The following EPB41L1 variants were observed in gnomAD, a reference collection of about 807,000 sequenced individuals.
EPB41L1 encodes the protein erythrocyte membrane protein band 4.1 like 1, also known as band 4.1-like protein 1.
Under a neutral mutation model 97.8 loss-of-function variants are expected in EPB41L1, and 29 were observed. The observed-to-expected ratio is 0.30, with a 90% CI of 0.22 to 0.40. The LOEUF (loss-of-function observed/expected upper bound fraction) is 0.40. Ranked by LOEUF, EPB41L1 falls within the 10% of genes least tolerant of loss-of-function variation. The pLI, the probability that EPB41L1 is intolerant of heterozygous loss-of-function variation, is 1.00. For synonymous variants in EPB41L1, 383 were observed against 459.2 expected (o/e 0.83, Z 2.12); for missense variants, 812 against 1,162.3 (o/e 0.70, Z 4.38).
intron 2 of EPB41L1, among the ~76,000 whole-genome samples, chr20:36,122,424 G>A (rs1317279300): frequency 1.3e-5 from 2 of 152,206 alleles, no homozygotes; most frequent in Non-Finnish European, 2.9e-5. Flanking sequence ...GCCTAGGCTA[G>A]CAGGCCCTGG....
chr20:36,137,981 T>C (rs2059483363), intron 2 of EPB41L1, among the ~76,000 whole-genome samples: 1 of 152,274 alleles, frequency 6.6e-6, no homozygotes, highest in South Asian at 2.1e-4. Context: ...TGTCTTTTTG[T>C]GACTGGCTTT....
At chr20:36,176,433 G>A (rs1028353757) in intron 3 of EPB41L1, among the ~76,000 whole-genome samples, 1 of 152,102 alleles carries the variant, frequency 6.6e-6, no homozygotes. Context: ...GGCAGCATTC[G>A]TGGCCCTTCT....
chr20:36,113,814 G>A (rs2058499674), intron 2 of EPB41L1: 1 of 152,620 alleles, frequency 6.6e-6, no homozygotes. Flanking sequence ...GTGCGCATAG[G>A]GAAGGTGGGG....
intron 5 of EPB41L1, 60 bp downstream of exon 5, chr20:36,178,732 C>CAGTACAAGGGGGG: frequency 6.4e-7 from 1 of 1,554,444 alleles, no homozygotes; most frequent in Non-Finnish European, 8.9e-7. Context: ...GCCATGAGAG[C>CAGTACAAGGGGGG]CCCCCTTGTA....
At chr20:36,172,423 A>T (rs562698061) in intron 1 of EPB41L1, among the ~76,000 whole-genome samples, 1 of 152,328 alleles carries the variant, frequency 6.6e-6, no homozygotes, top group East Asian at 1.9e-4. Context: ...CAAAACATAT[A>T]AAGTGAAAAG....
intron 2 of EPB41L1, among the ~76,000 whole-genome samples, chr20:36,122,317 G>A (rs2058778046): frequency 6.6e-6 from 1 of 152,240 alleles, no homozygotes; most frequent in Non-Finnish European, 1.5e-5. Flanking sequence ...GTGCCAAATG[G>A]GGACAGGAGG....
intron 15 of EPB41L1, among the ~76,000 whole-genome samples, chr20:36,210,244 G>A (rs1333527118): frequency 2.6e-5 from 4 of 152,138 alleles, no homozygotes; most frequent in Non-Finnish European, 5.9e-5. Context: ...CCTGCAGCCT[G>A]GTCTGAAAGC....
At chr20:36,189,051 A>C (rs1361787472) in intron 9 of EPB41L1, among the ~76,000 whole-genome samples, 1 of 152,164 alleles carries the variant, frequency 6.6e-6, no homozygotes, top group African/African-American at 2.4e-5. Flanking sequence ...AACACACACA[A>C]ATGCAAACAT....
chr20:36,134,023 A>G (rs1017003780), intron 2 of EPB41L1, among the ~76,000 whole-genome samples: 20 of 152,216 alleles, frequency 1.3e-4, no homozygotes, highest in African/African-American at 4.8e-4. Context: ...CTCACCTGTC[A>G]TGAAATGGCA....
chr20:36,179,293 A>C (rs545857654), intron 5 of EPB41L1, among the ~76,000 whole-genome samples: 2 of 152,156 alleles, frequency 1.3e-5, no homozygotes, highest in African/African-American at 2.4e-5. Context: ...CATCTAGGAC[A>C]AAGGACAAGC....
chr20:36,206,734 G>T lies in EPB41L1; in HGVS notation c.1669-2754G>T. 3.1e-6 allele frequency: 4 copies of T among 1,289,892 alleles called. No homozygotes were observed. The highest frequency in any genetic ancestry group is 4.0e-6 in the Non-Finnish European group (4 of 988,876). 79.9% of individuals were successfully genotyped at this position (1,289,892 alleles called of 1,614,324 possible). ...ATCTCCCGCAGGACAGACGTTTGCT[G>T]AAGGCTGGGAAGATGCCCAGTGGGG... is the stretch of plus-strand genomic sequence containing the variant. On this transcript the variant is annotated intron_variant, in intron 14 of 21. Coordinates refer to ENST00000338074, the MANE Select transcript of EPB41L1 (RefSeq NM_012156.2). The surrounding 1 kb of genome is among the most constrained non-coding windows in gnomAD (Gnocchi z 5.5).
At position 36,113,408 on chromosome 20, in the gene EPB41L1, TTGTGTGTGTGTGTGTGTGTGTG is replaced by T. The variant is rs3057822; in HGVS notation, c.-10+954_-10+975del. 8.5e-3 allele frequency among the ~76,000 whole-genome samples: 1,218 copies of T among 143,540 alleles called. 26 individuals are homozygous for T. Among genetic ancestry groups the T allele is most frequent in the African/African-American group, 0.027 (1,094 of 39,792 alleles). 94.2% of individuals were successfully genotyped at this position (143,540 alleles called of 152,430 possible). ...TTGTACCCCTAGGGAAACTTTCCAT[TTGTGTGTGTGTGTGTGTGTGTG>T]TGTGTGTGTGTGTGTGTGTGTGTGT... On this transcript the variant is annotated intron_variant, in intron 2 of 19. Transcript: ENST00000202028.
rs770900294 is a variant in EPB41L1, at chr20:36,209,748, C to T, written c.1929C>T (p.Leu643=). Residue 643 remains leucine (L), a synonymous_variant, in exon 15 of 22, where the codon CTC becomes CTT. Coordinates refer to ENST00000338074, the MANE Select transcript of EPB41L1 (RefSeq NM_012156.2). The surrounding 1 kb of genome is among the most constrained non-coding windows in gnomAD (Gnocchi z 4.2). The part of the protein sequence containing the change: ...FEDFSRSLPE[L]DRDKSDSDTE... The stretch of plus-strand genomic sequence containing the variant: ...ACTTCTCCCGCAGCCTGCCTGAGCT[C>T]GACCGGGACAAAAGCGACTCGGACA... 5.0e-6 allele frequency: 8 copies of T among 1,613,996 alleles called. No homozygotes were observed. The highest frequency in any genetic ancestry group is 1.3e-5 in the African/African-American group (1 of 74,922).
rs559045411 is a variant in EPB41L1 at position 36,144,339 on chromosome 20, G to T, written c.-9-31212G>T. On this transcript the variant is annotated intron_variant, in intron 2 of 19. Transcript: ENST00000202028. ...CCCCTGCCTGGTTCCTTGAGCCAGGGTCTAGCTACCTACAGTAGGCAGGAT... is the reference window on the plus strand; with the variant it reads ...CCCCTGCCTGGTTCCTTGAGCCAGGTTCTAGCTACCTACAGTAGGCAGGAT... Among the ~76,000 whole-genome samples, 107 of 152,220 alleles carry T rather than the reference G, an allele frequency of 7.0e-4. No homozygotes were observed. In the South Asian group the frequency reaches 0.022, roughly 31 times the overall value.
intron 14 of EPB41L1, chr20:36,208,547 A>G (rs987502431): frequency 1.8e-4 from 40 of 222,674 alleles, no homozygotes; most frequent in Non-Finnish European, 1.9e-5. Context: ...TCTCCCTCAC[A>G]CCTCTCAACC....
chr20:36,171,601 C>T (rs1446927011), intron 1 of EPB41L1, among the ~76,000 whole-genome samples: 5 of 152,192 alleles, frequency 3.3e-5, no homozygotes, highest in Non-Finnish European at 5.9e-5. Flanking sequence ...TGAGGATGTT[C>T]AGGGCCCCAG....
In EPB41L1 at chr20:36,229,576, A is replaced by G. The variant is rs931590566; in HGVS notation, c.*236A>G. 2.4e-6 allele frequency: 1 copy of G among 414,750 alleles called. No homozygotes were observed. The highest frequency in any genetic ancestry group is 4.3e-6 in the Non-Finnish European group (1 of 230,174). The allele number at this position is 414,750 out of a possible 1,614,324, so 25.7% of individuals were successfully genotyped here. On this transcript the variant is annotated 3_prime_UTR_variant, in exon 22 of 22. Transcript: ENST00000338074. Reference sequence around the variant, plus strand: ...CTGGGGCTGGCAGAGCAGTTGGCTGACAGCAACAACCGACATCTGAACACC... The same window carrying G: ...CTGGGGCTGGCAGAGCAGTTGGCTGGCAGCAACAACCGACATCTGAACACC...
At chr20:36,146,449 G>A (rs1220771337) in intron 2 of EPB41L1, among the ~76,000 whole-genome samples, 1 of 152,256 alleles carries the variant, frequency 6.6e-6, no homozygotes, top group Admixed American at 6.5e-5. Context: ...AGTTGGCGAG[G>A]GGAGTCCGGC....
chr20:36,188,282 T>C, intron 8 of EPB41L1, 65 bp from the exon 9 acceptor site: 2 of 1,607,958 alleles, frequency 1.2e-6, no homozygotes, highest in Non-Finnish European at 1.7e-6. Context: ...GTTTTCGGGG[T>C]GGGTGGTAGG....
Sources: allele counts gnomAD v4.1 joint callset (sites outside exome capture counted in the v4.1 genomes callset), GRCh38; gene constraint gnomAD v4.1.1; non-coding constraint Gnocchi (gnomAD v3.1); transcripts MANE v1.5; gene names NCBI Gene and HGNC (gene_info 2026-07-23, HGNC 2026-07-21).